Variants in TUSC3 observed in about 807,000 individuals in gnomAD.
TUSC3 encodes dolichyl-diphosphooligosaccharide--protein glycosyltransferase subunit TUSC3.
In TUSC3, 45 loss-of-function variants were observed where a neutral mutation model predicts 44.8. The observed-to-expected ratio is 1.00, with a 90% CI of 0.79 to 1.29. TUSC3 has a LOEUF of 1.29. Ranked by LOEUF, TUSC3 falls within the 50% of genes most tolerant of loss-of-function variation. TUSC3 has a pLI of 0.00. For missense variants in TUSC3, 519 were observed against 437.9 expected (o/e 1.19, Z -1.65); for synonymous variants, 212 against 152.9 (o/e 1.39, Z -2.85).
chr8:15,654,728 T>C (rs1251008337), intron 3 of TUSC3, among the ~76,000 whole-genome samples: 2 of 152,118 alleles, frequency 1.3e-5, no homozygotes, highest in Admixed American at 6.5e-5. Context: ...ACCCAGGATA[T>C]TGAGGTTGCA....
At chr8:15,475,375 A>G (rs185742515) in intron 1 of TUSC3, among the ~76,000 whole-genome samples, 5 of 152,264 alleles carry the variant, frequency 3.3e-5, no homozygotes, top group South Asian at 2.1e-4. Flanking sequence ...ATGCTTATAC[A>G]GTTAGGGCAG....
intron 1 of TUSC3, among the ~76,000 whole-genome samples, chr8:15,443,853 G>A (rs888728960): frequency 7.2e-5 from 11 of 152,030 alleles, no homozygotes; most frequent in African/African-American, 2.2e-4. Context: ...CCACCCAGAC[G>A]GATAAACTGG....
At chr8:15,843,251 T>C in the TUSC3 span, among the ~76,000 whole-genome samples, 1 of 152,150 alleles carries the variant, frequency 6.6e-6, no homozygotes, top group Non-Finnish European at 1.5e-5. Context: ...TGCTAATGGG[T>C]GATCTGTACA....
intron 6 of TUSC3, among the ~76,000 whole-genome samples, chr8:15,692,011 C>A (rs1019916477): frequency 1.3e-5 from 2 of 152,096 alleles, no homozygotes; most frequent in Non-Finnish European, 2.9e-5. Flanking sequence ...GAATTCTTGG[C>A]CTCAAGTGAT....
chr8:15,600,622 A>G (rs1382187181), intron 1 of TUSC3, among the ~76,000 whole-genome samples: 5 of 151,686 alleles, frequency 3.3e-5, no homozygotes, highest in African/African-American at 1.2e-4. Flanking sequence ...AGAGGGATAA[A>G]CATACACGAA....
intron 7 of TUSC3, among the ~76,000 whole-genome samples, chr8:15,738,184 C>A (rs1029790914): frequency 6.6e-6 from 1 of 152,116 alleles, no homozygotes; most frequent in Non-Finnish European, 1.5e-5. Flanking sequence ...TACTTACTGA[C>A]CCCGCTGATT....
chr8:15,754,161 T>G (rs944829614), intron 9 of TUSC3, among the ~76,000 whole-genome samples: 1 of 152,090 alleles, frequency 6.6e-6, no homozygotes, highest in Non-Finnish European at 1.5e-5. Context: ...GAAAGAATTA[T>G]TCTAGAAAGA....
intron 6 of TUSC3, among the ~76,000 whole-genome samples, chr8:15,702,439 G>A (rs1009372630): frequency 5.9e-5 from 9 of 152,118 alleles, no homozygotes; most frequent in Admixed American, 2.6e-4. Flanking sequence ...ATGCTTAATA[G>A]TGCTTTCTTT....
chr8:15,659,170 A>T (rs1349369069), intron 3 of TUSC3, among the ~76,000 whole-genome samples: 1 of 152,168 alleles, frequency 6.6e-6, no homozygotes, highest in Non-Finnish European at 1.5e-5. Context: ...CCAAACTGCT[A>T]TATTTCTACT....
At chr8:15,708,329 C>G (rs755966310) in intron 6 of TUSC3, among the ~76,000 whole-genome samples, 15 of 151,944 alleles carry the variant, frequency 9.9e-5, no homozygotes, top group Non-Finnish European at 2.2e-4. Context: ...TTGTGTGTCA[C>G]AGGAAGATGT....
At chr8:15,834,442 G>A in the TUSC3 span, among the ~76,000 whole-genome samples, 3 of 152,212 alleles carry the variant, frequency 2.0e-5, no homozygotes, top group African/African-American at 7.2e-5. Context: ...TCCGTGGGAA[G>A]GTGTCTTTCA....
At chr8:15,540,839 C>G (rs1801663476) in intron 1 of TUSC3, among the ~76,000 whole-genome samples, 1 of 152,210 alleles carries the variant, frequency 6.6e-6, no homozygotes, top group Non-Finnish European at 1.5e-5. Flanking sequence ...TTATTCCCAG[C>G]TGGAAGCCCA....
rs71211080 is a variant in TUSC3 at position 15,749,732 on chromosome 8, G to GT, written c.1028+1281dup. ...TTAAGTAATATCCAAGAAAGATGAA[G>GT]TTTTTTTTTTTTTTCTTTTGCCCTG... On this transcript the variant is annotated intron_variant, in intron 9 of 10. Transcript: ENST00000503731. Among the ~76,000 whole-genome samples the GT allele has an allele frequency of 3.2e-3, 448 of 140,328 alleles. 1 individual carries two copies. The highest frequency in any genetic ancestry group is 7.3e-3 in the Middle Eastern group (2 of 274). The allele number at this position is 140,328 out of a possible 152,430, so 92.1% of individuals were successfully genotyped here.
chr8:15,593,431 A>AT (rs1257148391), intron 1 of TUSC3, among the ~76,000 whole-genome samples: 2 of 152,218 alleles, frequency 1.3e-5, no homozygotes, highest in Non-Finnish European at 2.9e-5. Context: ...TTACTAAAAT[A>AT]ATATGGCCTG....
intron 9 of TUSC3, among the ~76,000 whole-genome samples, chr8:15,749,466 A>G (rs145955038): frequency 6.6e-6 from 1 of 152,244 alleles, no homozygotes; most frequent in African/African-American, 2.4e-5. Context: ...GGCCAGAGGT[A>G]CATTTCCAAT....
chr8:15,628,865 A>T (rs1236281334), intron 2 of TUSC3, among the ~76,000 whole-genome samples: 2 of 152,166 alleles, frequency 1.3e-5, no homozygotes, highest in African/African-American at 2.4e-5. Context: ...TGTGAAGTGG[A>T]TTAGGAGAAT....
intron 8 of TUSC3, among the ~76,000 whole-genome samples, chr8:15,746,450 G>A (rs1397263478): frequency 6.6e-6 from 1 of 151,980 alleles, no homozygotes. Context: ...ATATTTCCCA[G>A]GTCAGAATGC....
At chr8:15,676,598 A>T (rs1465497820) in intron 6 of TUSC3, among the ~76,000 whole-genome samples, 1 of 152,134 alleles carries the variant, frequency 6.6e-6, no homozygotes, top group Non-Finnish European at 1.5e-5. Flanking sequence ...GACATTTTCC[A>T]GCGGACATTT....
chr8:15,822,688 G>C, the TUSC3 span, among the ~76,000 whole-genome samples: 1 of 152,132 alleles, frequency 6.6e-6, no homozygotes, highest in African/African-American at 2.4e-5. Context: ...AAAGGGGACA[G>C]AGAAGGAGCA....
Sources: gnomAD v4.1 joint callset for allele counts (sites outside exome capture counted in the v4.1 genomes callset) on GRCh38, gnomAD v4.1.1 for gene constraint, MANE v1.5 for transcripts, NCBI Gene and HGNC (gene_info 2026-07-23, HGNC 2026-07-21) for gene names.